RASEF: variants seen among roughly 807,000 people sequenced by gnomAD.
RASEF encodes the protein RAS and EF-hand domain containing, also known as ras and EF-hand domain-containing protein.
Under a neutral mutation model 90.1 loss-of-function variants are expected in RASEF, and 68 were observed. That is an observed-to-expected ratio of 0.75 (90% CI 0.62 to 0.92). The LOEUF is 0.92. RASEF is among the 40% of genes least tolerant of loss of function. The pLI is 0.00. For missense variants in RASEF, 949 were observed against 937.2 expected (o/e 1.01, Z -0.16); for synonymous variants, 331 against 345.2 (o/e 0.96, Z 0.46).
At chr9:83,096,109 C>T in the RASEF span, among the ~76,000 whole-genome samples, 43 of 152,298 alleles carry the variant, frequency 2.8e-4, no homozygotes, top group Admixed American at 7.2e-4. Context: ...AATTGGACAA[C>T]TAGCTGAGAG....
the RASEF span, among the ~76,000 whole-genome samples, chr9:83,075,319 T>A: frequency 6.6e-6 from 1 of 152,234 alleles, no homozygotes. Context: ...TTTTTCTTAA[T>A]ATAATTTTGA....
At chr9:83,098,886 T>C in the RASEF span, among the ~76,000 whole-genome samples, 1 of 152,144 alleles carries the variant, frequency 6.6e-6, no homozygotes, top group African/African-American at 2.4e-5. Flanking sequence ...ATTATTACAA[T>C]TCAAGGTGAG....
chr9:83,126,588 T>C, the RASEF span, among the ~76,000 whole-genome samples: 1 of 152,198 alleles, frequency 6.6e-6, no homozygotes, highest in Admixed American at 6.5e-5. Context: ...TTTTCATTCC[T>C]ATTACTGCTT....
chr9:82,980,995 A>G lies in RASEF; in HGVS notation c.*1682T>C, dbSNP rs181135930. On this transcript the variant is annotated 3_prime_UTR_variant, in exon 17 of 17. Transcript: ENST00000376447. Reference sequence around the variant, plus strand: ...AATCTTTGCCTGTAACTATCCGGTCAATTCCCATTTTTTCAAAAAACTGAT... The same window carrying G: ...AATCTTTGCCTGTAACTATCCGGTCGATTCCCATTTTTTCAAAAAACTGAT... The G allele has an allele frequency of 6.6e-6, 1 of 152,338 alleles. No homozygotes were observed. The highest frequency in any genetic ancestry group is 1.5e-5 in the Non-Finnish European group (1 of 68,024). The allele number at this position is 152,338 out of a possible 1,614,324, so 9.4% of individuals were successfully genotyped here. A position where few individuals can be genotyped will look rare whatever the true frequency, so the allele number is the denominator to read the frequency against.
At chr9:83,025,503 C>T (rs1341482546) in intron 2 of RASEF, among the ~76,000 whole-genome samples, 1 of 152,204 alleles carries the variant, frequency 6.6e-6, no homozygotes, top group Admixed American at 6.5e-5. Flanking sequence ...GTGTTTTAAG[C>T]AGCTGGATGT....
At chr9:83,116,221 T>C in the RASEF span, among the ~76,000 whole-genome samples, 1 of 152,232 alleles carries the variant, frequency 6.6e-6, no homozygotes, top group Non-Finnish European at 1.5e-5. Flanking sequence ...TAAGAAATGT[T>C]GGCTTTCTTC....
the RASEF span, among the ~76,000 whole-genome samples, chr9:83,132,089 T>A: frequency 2.0e-4 from 30 of 152,328 alleles, no homozygotes; most frequent in Non-Finnish European, 1.5e-5. Flanking sequence ...AGATGTAGAA[T>A]TGAATTCCCC....
At chr9:83,218,997 G>A in the RASEF span, among the ~76,000 whole-genome samples, 1 of 152,132 alleles carries the variant, frequency 6.6e-6, no homozygotes. Context: ...ATTTGAATCT[G>A]AAGATAAAAT....
At chr9:83,008,837 G>A (rs1339141978) in intron 6 of RASEF, among the ~76,000 whole-genome samples, 1 of 134,974 alleles carries the variant, frequency 7.4e-6, no homozygotes, top group Non-Finnish European at 1.6e-5. Flanking sequence ...CTCTTCTGTT[G>A]TTAAACCCTA....
chr9:83,120,062 C>T, the RASEF span, among the ~76,000 whole-genome samples: 3 of 152,156 alleles, frequency 2.0e-5, no homozygotes, highest in African/African-American at 7.2e-5. Flanking sequence ...TTGTTTTCTG[C>T]ATTTGACATA....
chr9:83,000,058 C>A, intron 12 of RASEF, 111 bp downstream of exon 12: 4 of 945,380 alleles, frequency 4.2e-6, no homozygotes, highest in Non-Finnish European at 6.5e-6. Context: ...TGTGCATACA[C>A]AGAGAAAGAG....
chr9:83,011,826 C>T (rs907684856), intron 5 of RASEF, among the ~76,000 whole-genome samples: 1 of 152,030 alleles, frequency 6.6e-6, no homozygotes, highest in Non-Finnish European at 1.5e-5. Flanking sequence ...TTCATTTGAC[C>T]ATGAAGCTGG....
intron 2 of RASEF, among the ~76,000 whole-genome samples, chr9:83,023,371 G>C (rs567697560): frequency 6.6e-6 from 1 of 152,074 alleles, no homozygotes; most frequent in Non-Finnish European, 1.5e-5. Context: ...TGATTCATTC[G>C]GACAAATGAC....
chr9:82,992,966 G>T lies in RASEF; in HGVS notation c.1980C>A (p.Asp660Glu). 1 of 1,613,836 alleles carries T rather than the reference G, an allele frequency of 6.2e-7. No homozygotes were observed. The highest frequency in any genetic ancestry group is 8.5e-7 in the Non-Finnish European group (1 of 1,179,818). Residue 660 changes from aspartate (D) to glutamate (E), a missense_variant, in exon 15 of 17, where the codon GAC becomes GAA. Asp to Glu is a conservative substitution (Grantham distance 45). This residue lies in a region of RASEF where 288 missense variants were observed against 328.4 expected (regional missense o/e 0.88). Transcript: ENST00000376447. ...MLVGNKADIR[D>E]TAATEGQKCV... Reference sequence around the variant, plus strand: ...ATTTTTGTCCCTCTGTAGCAGCAGTGTCACGAATGTCAGCCTTGTTTCCTA... The same window carrying T: ...ATTTTTGTCCCTCTGTAGCAGCAGTTTCACGAATGTCAGCCTTGTTTCCTA...
chr9:83,212,958 T>A, the RASEF span, among the ~76,000 whole-genome samples: 1 of 152,068 alleles, frequency 6.6e-6, no homozygotes, highest in South Asian at 2.1e-4. Context: ...GAATGATACA[T>A]CAGTTACAAA....
At chr9:83,085,690 C>T in the RASEF span, among the ~76,000 whole-genome samples, 2 of 152,066 alleles carry the variant, frequency 1.3e-5, no homozygotes, top group Non-Finnish European at 2.9e-5. Context: ...CTTTGGGAGG[C>T]CGAGGCGGTG....
At chr9:83,087,130 T>C in the RASEF span, among the ~76,000 whole-genome samples, 1 of 152,120 alleles carries the variant, frequency 6.6e-6, no homozygotes, top group African/African-American at 2.4e-5. Context: ...GTCTGACTAT[T>C]AAAGGGTGGG....
the RASEF span, among the ~76,000 whole-genome samples, chr9:83,089,198 T>C: frequency 6.6e-6 from 1 of 152,102 alleles, no homozygotes; most frequent in African/African-American, 2.4e-5. Flanking sequence ...CTTTGTTCTC[T>C]TGCTACTACA....
intron 16 of RASEF, among the ~76,000 whole-genome samples, chr9:82,988,267 AC>A (rs1828746330): frequency 6.6e-6 from 1 of 152,216 alleles, no homozygotes. Context: ...TTCCCTGTGC[AC>A]CCATAAGTGC....
Sources: allele counts gnomAD v4.1 joint callset (sites outside exome capture counted in the v4.1 genomes callset), GRCh38; gene constraint gnomAD v4.1.1; regional missense constraint gnomAD v4.1.1; transcripts MANE v1.5; gene names NCBI Gene and HGNC (gene_info 2026-07-23, HGNC 2026-07-21).